Variants in MYLK4 observed in about 807,000 individuals in gnomAD.
MYLK4 encodes the protein caMLCK like.
In MYLK4, 46 loss-of-function variants were observed where a neutral mutation model predicts 48.1. That is an observed-to-expected ratio of 0.96 (90% CI 0.75 to 1.22). MYLK4 has a LOEUF of 1.22. Among genes scored for constraint, MYLK4 ranks in the 50% most tolerant of loss-of-function variants. The pLI, the probability that MYLK4 is intolerant of heterozygous loss-of-function variation, is 0.00. For missense variants in MYLK4, 451 were observed against 486.1 expected, an observed-to-expected ratio of 0.93 and a Z score of 0.68; for synonymous variants, 170 against 180.8, an observed-to-expected ratio of 0.94 and a Z score of 0.48.
intron 2 of MYLK4, among the ~76,000 whole-genome samples, chr6:2,711,061 C>T (rs749292227): frequency 5.9e-5 from 9 of 152,196 alleles, no homozygotes; most frequent in Non-Finnish European, 1.0e-4. Flanking sequence ...TGCTGGCTTA[C>T]GCATAACCAC....
In MYLK4 at chr6:2,746,286, A is replaced by G. The variant is rs892080237; in HGVS notation, c.159+2850T>C. Reference sequence around the variant, plus strand: ...CGTCTCAAAAAAAGAAAAAAAGAAAAAAAGAAAGAAAGAAAAATTAAAAGA... The same window carrying G: ...CGTCTCAAAAAAAGAAAAAAAGAAAGAAAGAAAGAAAGAAAAATTAAAAGA... On this transcript the variant is annotated intron_variant, in intron 2 of 12. Coordinates refer to ENST00000274643, the MANE Select transcript of MYLK4 (RefSeq NM_001012418.5). Among the ~76,000 whole-genome samples the G allele has an allele frequency of 2.2e-5, 3 of 137,730 alleles. No homozygotes were observed. In the Admixed American group the frequency reaches 2.3e-4, roughly 11 times the overall value. The allele number at this position is 137,730 out of a possible 152,430, so 90.4% of individuals were successfully genotyped here. A position where few individuals can be genotyped will look rare whatever the true frequency, so the allele number is the denominator to read the frequency against.
At position 2,673,704 on chromosome 6, in the gene MYLK4, A is replaced by C. The variant is rs1052839265; in HGVS notation, c.1119+1343T>G. 1.3e-5 allele frequency among the ~76,000 whole-genome samples: 2 copies of C among 152,206 alleles called. No individual in the cohort carries two copies. Among genetic ancestry groups the C allele is most frequent in the Non-Finnish European group, 2.9e-5 (2 of 68,036 alleles). On this transcript the variant is annotated intron_variant, in intron 11 of 12. Transcript: ENST00000274643. The surrounding 1 kb of genome is among the most constrained non-coding windows in gnomAD (Gnocchi z 4.2). Reference sequence around the variant, plus strand: ...TTCAGTAAAGTTACTTGGGCATTACACATCTGTTTCTGTGTTAATTATATA... The same window carrying C: ...TTCAGTAAAGTTACTTGGGCATTACCCATCTGTTTCTGTGTTAATTATATA...
intron 2 of MYLK4, among the ~76,000 whole-genome samples, chr6:2,725,991 G>A (rs1215337611): frequency 6.6e-6 from 1 of 152,156 alleles, no homozygotes; most frequent in Non-Finnish European, 1.5e-5. Context: ...TATATAACAA[G>A]GTGAGTAAGA....
the MYLK4 span, among the ~76,000 whole-genome samples, chr6:2,757,437 C>T: frequency 1.3e-5 from 2 of 152,150 alleles, no homozygotes; most frequent in African/African-American, 4.8e-5. Context: ...TGGAAGGCAA[C>T]TTGGTCATGC....
intron 12 of MYLK4, among the ~76,000 whole-genome samples, chr6:2,668,282 C>G (rs750574588): frequency 6.6e-6 from 1 of 152,158 alleles, no homozygotes; most frequent in Non-Finnish European, 1.5e-5. Context: ...ATCCCAGCAT[C>G]AAAGTGAGAA....
At chr6:2,732,665 C>T (rs1038181016) in intron 2 of MYLK4, among the ~76,000 whole-genome samples, 2 of 152,128 alleles carry the variant, frequency 1.3e-5, no homozygotes, top group African/African-American at 2.4e-5. Context: ...CCGAGACCCA[C>T]TGGAGCTGAG....
At chr6:2,710,768 C>T (rs563646670) in intron 2 of MYLK4, among the ~76,000 whole-genome samples, 2 of 152,226 alleles carry the variant, frequency 1.3e-5, no homozygotes, top group Admixed American at 6.5e-5. Flanking sequence ...CCTGGTGTTC[C>T]AGCAATAAAA....
chr6:2,762,371 T>C, the MYLK4 span, among the ~76,000 whole-genome samples: 1 of 152,328 alleles, frequency 6.6e-6, no homozygotes, highest in Non-Finnish European at 1.5e-5. Context: ...CTAACAATGA[T>C]TACAAGTAGA....
At chr6:2,767,227 A>G in the MYLK4 span, among the ~76,000 whole-genome samples, 3 of 152,160 alleles carry the variant, frequency 2.0e-5, no homozygotes, top group African/African-American at 7.2e-5. Flanking sequence ...AACACTTGAG[A>G]AAAAAATGGA....
At chr6:2,762,917 G>C in the MYLK4 span, among the ~76,000 whole-genome samples, 1 of 152,156 alleles carries the variant, frequency 6.6e-6, no homozygotes, top group Non-Finnish European at 1.5e-5. Flanking sequence ...TCTCCACAGT[G>C]AGTATTACCA....
At chr6:2,728,965 T>C (rs1763381803) in intron 2 of MYLK4, among the ~76,000 whole-genome samples, 2 of 152,180 alleles carry the variant, frequency 1.3e-5, no homozygotes, top group Non-Finnish European at 2.9e-5. Flanking sequence ...CCCATTTTGC[T>C]ATCATAGGGC....
chr6:2,699,353 G>A (rs148010516), intron 2 of MYLK4, among the ~76,000 whole-genome samples: 3,104 of 137,964 alleles, frequency 0.022, 110 homozygotes, highest in African/African-American at 0.083. Context: ...GTGCAGTGGC[G>A]CAATCTCGGT....
chr6:2,742,783 G>A (rs1050113461), intron 2 of MYLK4, among the ~76,000 whole-genome samples: 2 of 150,248 alleles, frequency 1.3e-5, no homozygotes, highest in East Asian at 3.9e-4. Flanking sequence ...ACGAGTTAAT[G>A]GGTGCAGCAC....
chr6:2,731,990 C>T (rs1763494054), intron 2 of MYLK4, among the ~76,000 whole-genome samples: 1 of 152,188 alleles, frequency 6.6e-6, no homozygotes, highest in African/African-American at 2.4e-5. Context: ...CACTCCATTT[C>T]TGCACAAACT....
intron 2 of MYLK4, among the ~76,000 whole-genome samples, chr6:2,735,341 C>T (rs956086244): frequency 1.3e-5 from 2 of 151,678 alleles, no homozygotes; most frequent in African/African-American, 4.8e-5. Flanking sequence ...AAAATTGATT[C>T]TGCCAGTCTA....
chr6:2,735,440 C>T (rs924973934), intron 2 of MYLK4, among the ~76,000 whole-genome samples: 28 of 152,144 alleles, frequency 1.8e-4, no homozygotes, highest in African/African-American at 6.5e-4. Context: ...TGAAGGCTGG[C>T]CCTATTCATC....
chr6:2,694,769 C>A lies in MYLK4; in HGVS notation c.160-1910G>T, dbSNP rs1761999651. ...TGCTAACAGCCCTTTAAGATAGATA[C>A]TATTAGCCCCATCGTACAAATGAAG... On this transcript the variant is annotated intron_variant, in intron 2 of 12. Coordinates refer to ENST00000274643, the MANE Select transcript of MYLK4 (RefSeq NM_001012418.5). 2.0e-5 allele frequency among the ~76,000 whole-genome samples: 3 copies of A among 151,984 alleles called. No individual in the cohort carries two copies. In the South Asian group the frequency reaches 6.2e-4, roughly 32 times the overall value.
chr6:2,746,261 CG>C (rs1764091500), intron 2 of MYLK4, among the ~76,000 whole-genome samples: 1 of 147,474 alleles, frequency 6.8e-6, no homozygotes, highest in African/African-American at 2.5e-5. Context: ...AGCAAGACTC[CG>C]TCTCAAAAAA....
chr6:2,740,840 T>A (rs1375426814), intron 2 of MYLK4, among the ~76,000 whole-genome samples: 1 of 152,202 alleles, frequency 6.6e-6, no homozygotes, highest in Non-Finnish European at 1.5e-5. Flanking sequence ...GTTGTCACCA[T>A]GTGGTGGGCA....
Sources: allele counts gnomAD v4.1 joint callset (sites outside exome capture counted in the v4.1 genomes callset), GRCh38; gene constraint gnomAD v4.1.1; non-coding constraint Gnocchi (gnomAD v3.1); transcripts MANE v1.5; gene names NCBI Gene and HGNC (gene_info 2026-07-23, HGNC 2026-07-21).